Variants in AFG2A observed in about 807,000 individuals in gnomAD.
AFG2A encodes AAA ATPase AFG2A, also known as ATPase family gene 2 protein homolog A.
chr4:123,115,244 G>T, the AFG2A span, among the ~76,000 whole-genome samples: 3 of 152,046 alleles, frequency 2.0e-5, no homozygotes, highest in Non-Finnish European at 4.4e-5. Context: ...CCCTGCCGGG[G>T]GGCACCTCTG....
chr4:123,309,628 C>T, the AFG2A span, among the ~76,000 whole-genome samples: 3 of 152,144 alleles, frequency 2.0e-5, no homozygotes, highest in African/African-American at 7.2e-5. Flanking sequence ...CCATGGGGAA[C>T]AGAATATATA....
the AFG2A span, among the ~76,000 whole-genome samples, chr4:123,241,830 G>A: frequency 6.6e-5 from 10 of 152,266 alleles, no homozygotes; most frequent in South Asian, 4.1e-4. Flanking sequence ...TTAGAAAAGC[G>A]GAAGTCAAAT....
At chr4:123,179,711 G>A in the AFG2A span, among the ~76,000 whole-genome samples, 52 of 152,206 alleles carry the variant, frequency 3.4e-4, no homozygotes, top group East Asian at 7.2e-3. Context: ...CTTCATATCA[G>A]CGATAGAACT....
the AFG2A span, among the ~76,000 whole-genome samples, chr4:123,291,599 C>G: frequency 3.3e-5 from 5 of 152,262 alleles, no homozygotes; most frequent in South Asian, 4.1e-4. Flanking sequence ...ATAGAAAATT[C>G]TTGGCTCCCC....
chr4:123,310,195 G>A, the AFG2A span, among the ~76,000 whole-genome samples: 3 of 152,190 alleles, frequency 2.0e-5, no homozygotes, highest in South Asian at 2.1e-4. Flanking sequence ...TAGGAGTGGC[G>A]CTCTGTCAGC....
the AFG2A span, among the ~76,000 whole-genome samples, chr4:123,164,958 CA>C: frequency 6.6e-6 from 1 of 152,226 alleles, no homozygotes; most frequent in South Asian, 2.1e-4. Flanking sequence ...GGCCTTTTTA[CA>C]GTCTCTAAAA....
chr4:123,237,672 CA>C, the AFG2A span, among the ~76,000 whole-genome samples: 1,784 of 66,210 alleles, frequency 0.027, 19 homozygotes, highest in African/African-American at 0.081. Flanking sequence ...AACCTTGTCT[CA>C]AAAAAAAAAA....
At chr4:123,298,954 C>T in the AFG2A span, among the ~76,000 whole-genome samples, 1 of 148,498 alleles carries the variant, frequency 6.7e-6, no homozygotes, top group South Asian at 2.1e-4. Flanking sequence ...AAAGGCACAG[C>T]TATGCCAGGT....
At chr4:122,969,345 A>G in the AFG2A span, among the ~76,000 whole-genome samples, 1 of 151,854 alleles carries the variant, frequency 6.6e-6, no homozygotes, top group Non-Finnish European at 1.5e-5. Context: ...ATGACCATCA[A>G]TTTCTGCCTT....
At chr4:123,196,165 T>C in the AFG2A span, among the ~76,000 whole-genome samples, 1 of 113,160 alleles carries the variant, frequency 8.8e-6, no homozygotes, top group Non-Finnish European at 1.7e-5. Context: ...CATGCCCAGC[T>C]AATTTTTTTT....
chr4:122,947,178 C>CTT, the AFG2A span: 12 of 1,343,450 alleles, frequency 8.9e-6, no homozygotes, highest in South Asian at 1.6e-5. Context: ...GTGCCTCTCA[C>CTT]TTTTTTTTTT....
At chr4:123,180,760 A>T in the AFG2A span, among the ~76,000 whole-genome samples, 2 of 152,294 alleles carry the variant, frequency 1.3e-5, no homozygotes, top group South Asian at 4.1e-4. Flanking sequence ...CTAAACTTTA[A>T]AATTATTTTT....
chr4:123,203,197 G>A, the AFG2A span, among the ~76,000 whole-genome samples: 49 of 151,742 alleles, frequency 3.2e-4, no homozygotes, highest in East Asian at 8.5e-3. Flanking sequence ...TATCGCCCAG[G>A]CTGGAGTGCA....
chr4:123,072,329 C>T, the AFG2A span, among the ~76,000 whole-genome samples: 1 of 152,190 alleles, frequency 6.6e-6, no homozygotes, highest in African/African-American at 2.4e-5. Flanking sequence ...AGATAATCTT[C>T]ATAATTACTT....
the AFG2A span, chr4:123,318,398 A>G: frequency 6.6e-6 from 1 of 152,224 alleles, no homozygotes; most frequent in Non-Finnish European, 1.5e-5. Flanking sequence ...AGAACATTAT[A>G]TCTTTAGTCT....
the AFG2A span, among the ~76,000 whole-genome samples, chr4:123,178,904 G>C: frequency 6.6e-6 from 1 of 152,136 alleles, no homozygotes; most frequent in Non-Finnish European, 1.5e-5. Context: ...CTGCACATAG[G>C]CTTCTCTACT....
chr4:123,206,692 T>TC, the AFG2A span, among the ~76,000 whole-genome samples: 2 of 152,154 alleles, frequency 1.3e-5, no homozygotes, highest in Admixed American at 6.6e-5. Flanking sequence ...GTCCTGTCTA[T>TC]CCCCCCTTCC....
chr4:123,058,940 A>G, the AFG2A span, among the ~76,000 whole-genome samples: 2 of 152,136 alleles, frequency 1.3e-5, no homozygotes, highest in African/African-American at 4.8e-5. Flanking sequence ...CTCATCTGAG[A>G]CAAGTCAAGT....
At chr4:123,028,647 A>G in the AFG2A span, among the ~76,000 whole-genome samples, 3 of 152,290 alleles carry the variant, frequency 2.0e-5, no homozygotes, top group East Asian at 5.8e-4. Context: ...TATTTCTTAT[A>G]TCCATGTGTA....
Sources: allele counts gnomAD v4.1 joint callset (sites outside exome capture counted in the v4.1 genomes callset), GRCh38; gene constraint gnomAD v4.1.1; transcripts MANE v1.5; gene names NCBI Gene and HGNC (gene_info 2026-07-23, HGNC 2026-07-21).